The following PSPH variants were observed in gnomAD, a reference collection of about 807,000 sequenced individuals.
PSPH encodes the protein L-3-phosphoserine phosphatase.
PSPH carries 16 observed loss-of-function variants against 23.4 expected under a neutral mutation model. That is an observed-to-expected ratio of 0.68 (90% CI 0.46 to 1.04). The LOEUF (loss-of-function observed/expected upper bound fraction) is 1.04, where lower values mean the gene tolerates loss of function less well. PSPH is among the 50% of genes least tolerant of loss of function. The probability of loss-of-function intolerance (pLI) is 0.00; values close to 1 mark genes in which losing one functional copy is unlikely to be tolerated. For synonymous variants in PSPH, 68 were observed against 99.7 expected, an observed-to-expected ratio of 0.68 and a Z score of 1.89; for missense variants, 223 against 273.7, an observed-to-expected ratio of 0.81 and a Z score of 1.31.
intron 1 of PSPH, among the ~76,000 whole-genome samples, chr7:56,047,262 C>T (rs1293235584): frequency 2.6e-5 from 4 of 151,588 alleles, no homozygotes; most frequent in Non-Finnish European, 5.9e-5. Flanking sequence ...CATAGTGGTG[C>T]ACGTCTGTAG....
chr7:56,041,088 G>C (rs917511877), intron 1 of PSPH, among the ~76,000 whole-genome samples: 13 of 152,042 alleles, frequency 8.6e-5, no homozygotes, highest in Admixed American at 2.6e-4. Context: ...GTTTTGGCCA[G>C]CACAGAAGCT....
Sources: gnomAD v4.1 joint callset for allele counts (sites outside exome capture counted in the v4.1 genomes callset) on GRCh38, gnomAD v4.1.1 for gene constraint, MANE v1.5 for transcripts, NCBI Gene and HGNC (gene_info 2026-07-23, HGNC 2026-07-21) for gene names.